The following RABGEF1 variants were observed in gnomAD, a reference collection of about 807,000 sequenced individuals.
The protein encoded by RABGEF1 is rab5 GDP/GTP exchange factor.
Under a neutral mutation model 57.3 loss-of-function variants are expected in RABGEF1, and 26 were observed. The observed-to-expected ratio is 0.45, with a 90% CI of 0.33 to 0.63. RABGEF1 has a LOEUF of 0.63. Ranked by LOEUF, RABGEF1 falls within the 20% of genes least tolerant of loss-of-function variation. RABGEF1 has a pLI of 0.02. For synonymous variants in RABGEF1, 185 were observed against 210.7 expected, an observed-to-expected ratio of 0.88 and a Z score of 1.06; for missense variants, 464 against 607.6, an observed-to-expected ratio of 0.76 and a Z score of 2.48.
At chr7:66,703,677 C>T (rs1449948771) in intron 1 of RABGEF1, among the ~76,000 whole-genome samples, 1 of 152,082 alleles carries the variant, frequency 6.6e-6, no homozygotes, top group African/African-American at 2.4e-5. Flanking sequence ...ATGGCAGTAT[C>T]ATGAGGTCTT....
chr7:66,720,339 A>G (rs1341452588), intron 2 of RABGEF1, among the ~76,000 whole-genome samples: 2 of 151,646 alleles, frequency 1.3e-5, no homozygotes, highest in Non-Finnish European at 2.9e-5. Flanking sequence ...CTAGGACTAC[A>G]GGCATGCACC....
the RABGEF1 span, among the ~76,000 whole-genome samples, chr7:66,672,290 G>A: frequency 6.6e-6 from 1 of 151,858 alleles, no homozygotes; most frequent in Non-Finnish European, 1.5e-5. Context: ...AAATTAGCCG[G>A]GCGCGGTGGC....
chr7:66,737,450 G>T (rs912214311), upstream of RABGEF1, among the ~76,000 whole-genome samples: 3 of 151,590 alleles, frequency 2.0e-5, no homozygotes, highest in Non-Finnish European at 4.4e-5. Context: ...GGTAGGGGGG[G>T]GCAGTCTAAA....
At chr7:66,716,661 A>T (rs1009719189) in intron 2 of RABGEF1, among the ~76,000 whole-genome samples, 13 of 149,396 alleles carry the variant, frequency 8.7e-5, no homozygotes, top group Admixed American at 2.7e-4. Context: ...GTCTTTTTTT[A>T]AAAAAAACTC....
intron 1 of RABGEF1, among the ~76,000 whole-genome samples, chr7:66,759,417 T>A (rs1803652397): frequency 6.6e-6 from 1 of 152,172 alleles, no homozygotes; most frequent in Non-Finnish European, 1.5e-5. Flanking sequence ...GTGTGAAGTG[T>A]TTTTTATTGT....
chr7:66,785,748 C>T (rs971204275), intron 4 of RABGEF1, among the ~76,000 whole-genome samples: 1 of 152,130 alleles, frequency 6.6e-6, no homozygotes, highest in Admixed American at 6.5e-5. Flanking sequence ...GTGGCAGGCG[C>T]CTGTAGTCCC....
At chr7:66,807,994 G>A (rs1788794942) in intron 8 of RABGEF1, 2 of 152,126 alleles carry the variant, frequency 1.3e-5, no homozygotes, top group Non-Finnish European at 2.9e-5. Context: ...TGCCATGTCT[G>A]TACTAATAAT....
chr7:66,727,665 T>C (rs1796739444), intron 2 of RABGEF1, among the ~76,000 whole-genome samples: 1 of 152,184 alleles, frequency 6.6e-6, no homozygotes, highest in Admixed American at 6.5e-5. Flanking sequence ...CGGCCCATGC[T>C]CCCAGCCAGG....
chr7:66,787,633 C>T (rs1294033742), intron 4 of RABGEF1, among the ~76,000 whole-genome samples: 1 of 152,192 alleles, frequency 6.6e-6, no homozygotes. Flanking sequence ...GATTGAGCCA[C>T]AATACCTGGC....
chr7:66,788,756 A>G (rs1811844493), intron 4 of RABGEF1, among the ~76,000 whole-genome samples: 1 of 152,034 alleles, frequency 6.6e-6, no homozygotes, highest in Non-Finnish European at 1.5e-5. Flanking sequence ...ATGCGGGTGG[A>G]TCACCTGGCC....
chr7:66,799,542 T>C (rs1786806061), intron 7 of RABGEF1, 128 bp downstream of exon 7: 3 of 728,250 alleles, frequency 4.1e-6, no homozygotes, highest in Non-Finnish European at 2.2e-6. Context: ...GTAAAAGTGA[T>C]TTGTAAGATT....
At chr7:66,795,210 T>C (rs1813728293) in intron 4 of RABGEF1, among the ~76,000 whole-genome samples, 1 of 152,140 alleles carries the variant, frequency 6.6e-6, no homozygotes, top group Non-Finnish European at 1.5e-5. Flanking sequence ...TTTTCTTCCT[T>C]TTCACCTAAT....
intron 8 of RABGEF1, among the ~76,000 whole-genome samples, chr7:66,806,267 A>G (rs1788420949): frequency 6.6e-6 from 1 of 152,146 alleles, no homozygotes. Context: ...TCAGTCTCTA[A>G]AAATATGTCA....
intron 1 of RABGEF1, among the ~76,000 whole-genome samples, chr7:66,761,823 G>A (rs980568531): frequency 1.3e-5 from 2 of 152,164 alleles, no homozygotes; most frequent in African/African-American, 4.8e-5. Context: ...GTTTGAGGTA[G>A]GCAGGTCACT....
chr7:66,740,436 T>C (rs1165464579), upstream of RABGEF1: 2 of 151,784 alleles, frequency 1.3e-5, no homozygotes, highest in Non-Finnish European at 2.9e-5. Flanking sequence ...CCTCCAGCTG[T>C]TGCGCGTCGG....
intron 4 of RABGEF1, among the ~76,000 whole-genome samples, chr7:66,785,688 C>T (rs1279798341): frequency 6.6e-6 from 1 of 152,172 alleles, no homozygotes; most frequent in Non-Finnish European, 1.5e-5. Flanking sequence ...TCCTGGCTAT[C>T]ACGGTGAAAC....
At chr7:66,668,555 A>C in the RABGEF1 span, among the ~76,000 whole-genome samples, 1 of 152,004 alleles carries the variant, frequency 6.6e-6, no homozygotes, top group Admixed American at 6.6e-5. Context: ...AGAGGGGGGG[A>C]TTGGCATAGG....
At chr7:66,792,794 A>T (rs1813032799) in intron 4 of RABGEF1, among the ~76,000 whole-genome samples, 1 of 152,106 alleles carries the variant, frequency 6.6e-6, no homozygotes, top group African/African-American at 2.4e-5. Flanking sequence ...CTGAGCACTA[A>T]CCCTGTGCCT....
intron 2 of RABGEF1, among the ~76,000 whole-genome samples, chr7:66,732,663 G>A (rs1424086811): frequency 3.3e-5 from 5 of 151,974 alleles, no homozygotes; most frequent in African/African-American, 1.2e-4. Context: ...ATGAAATTTG[G>A]TTCACAATTT....
Sources: allele counts gnomAD v4.1 joint callset (sites outside exome capture counted in the v4.1 genomes callset), GRCh38; gene constraint gnomAD v4.1.1; transcripts MANE v1.5; gene names NCBI Gene and HGNC (gene_info 2026-07-23, HGNC 2026-07-21).